RAPGEF1: variants seen among roughly 807,000 people sequenced by gnomAD.
RAPGEF1 encodes CRK SH3-binding GNRP.
A neutral mutation model predicts 143.3 loss-of-function variants in RAPGEF1; 33 were observed. The observed-to-expected ratio is 0.23, with a 90% confidence interval of 0.17 to 0.31. The LOEUF (loss-of-function observed/expected upper bound fraction) is 0.31. Among genes scored for constraint, RAPGEF1 ranks in the 10% least tolerant of loss-of-function variants. The pLI is 1.00. For missense variants in RAPGEF1, 1,199 were observed against 1,645.4 expected, an observed-to-expected ratio of 0.73 and a Z score of 4.69; for synonymous variants, 629 against 676.5, an observed-to-expected ratio of 0.93 and a Z score of 1.09.
rs192814248 is a variant in RAPGEF1, at chr9:131,712,849, A to G, written c.61+26921T>C. On this transcript the variant is annotated intron_variant, in intron 1 of 26. Transcript: ENST00000683357. ...GCTCCCCCAAAATAACTCCAATGTGAACTGTTCAGGGGTAGGGGGAGGGGG... is the reference window on the plus strand; with the variant it reads ...GCTCCCCCAAAATAACTCCAATGTGGACTGTTCAGGGGTAGGGGGAGGGGG... Among the ~76,000 whole-genome samples, 405 of 152,286 alleles carry G rather than the reference A, an allele frequency of 2.7e-3. 1 individual carries two copies. Among genetic ancestry groups the G allele is most frequent in the African/African-American group, 9.0e-3 (375 of 41,552 alleles).
At chr9:131,649,714 C>T (rs972960224) in intron 3 of RAPGEF1, among the ~76,000 whole-genome samples, 2 of 152,194 alleles carry the variant, frequency 1.3e-5, no homozygotes, top group African/African-American at 4.8e-5. Context: ...GGCGGTCTCA[C>T]TGCACTCCAC....
At chr9:131,629,335 G>T in intron 6 of RAPGEF1, 81 bp from the exon 7 acceptor site, 6 of 1,399,560 alleles carry the variant, frequency 4.3e-6, no homozygotes, top group Non-Finnish European at 5.9e-6. Context: ...GGGTGAGGAC[G>T]TGACCAGGAA....
intron 1 of RAPGEF1, among the ~76,000 whole-genome samples, chr9:131,699,588 T>C (rs965362177): frequency 1.3e-5 from 2 of 152,196 alleles, no homozygotes; most frequent in African/African-American, 4.8e-5. Context: ...ACTATGTTAC[T>C]GAATGCCAAG....
intron 1 of RAPGEF1, among the ~76,000 whole-genome samples, chr9:131,652,720 ACCT>A (rs1270026080): frequency 8.6e-5 from 13 of 151,992 alleles, no homozygotes; most frequent in African/African-American, 2.9e-4. Context: ...CTTTTATAAC[ACCT>A]CCTGAAGGAT....
At chr9:131,666,338 T>C (rs1000025399) in intron 1 of RAPGEF1, among the ~76,000 whole-genome samples, 1 of 152,190 alleles carries the variant, frequency 6.6e-6, no homozygotes, top group Admixed American at 6.5e-5. Context: ...TCTGGACCAG[T>C]ACTATCCAAT....
intron 1 of RAPGEF1, among the ~76,000 whole-genome samples, chr9:131,652,050 G>A (rs1035720762): frequency 7.9e-5 from 12 of 152,202 alleles, no homozygotes; most frequent in African/African-American, 2.9e-4. Context: ...AATGGAGGCT[G>A]CAGGCCTAGA....
At chr9:131,612,447 G>C (rs1958168109) in intron 12 of RAPGEF1, among the ~76,000 whole-genome samples, 1 of 152,166 alleles carries the variant, frequency 6.6e-6, no homozygotes, top group African/African-American at 2.4e-5. Flanking sequence ...GGTTGCTTTT[G>C]AAAGCCCCCA....
intron 1 of RAPGEF1, among the ~76,000 whole-genome samples, chr9:131,727,508 G>A (rs959835587): frequency 1.3e-5 from 2 of 152,168 alleles, no homozygotes; most frequent in African/African-American, 4.8e-5. Context: ...GACATGGTGT[G>A]TCTGTGGCAG....
chr9:131,664,322 G>A (rs746640277), intron 1 of RAPGEF1, among the ~76,000 whole-genome samples: 4 of 152,074 alleles, frequency 2.6e-5, no homozygotes, highest in Admixed American at 6.5e-5. Flanking sequence ...AACCAAGATC[G>A]GGGCATTAGA....
chr9:131,686,504 A>C lies in RAPGEF1; in HGVS notation c.62-35555T>G, dbSNP rs1833363021. Reference sequence around the variant, plus strand: ...CACTACACAACTGGGCAGCCACACAAGGAGCTGCCCAATTGGCCTGAAATC... The same window carrying C: ...CACTACACAACTGGGCAGCCACACACGGAGCTGCCCAATTGGCCTGAAATC... On this transcript the variant is annotated intron_variant, in intron 1 of 26. Transcript: ENST00000683357. Among the ~76,000 whole-genome samples, 4 of 152,200 alleles carry C rather than the reference A, an allele frequency of 2.6e-5. No homozygotes were observed. The South Asian group carries it at 8.3e-4, about 32-fold the overall frequency.
intron 17 of RAPGEF1, among the ~76,000 whole-genome samples, chr9:131,592,908 C>G (rs1330870572): frequency 6.6e-6 from 1 of 152,286 alleles, no homozygotes; most frequent in Non-Finnish European, 1.5e-5. Context: ...CGCGCCACTA[C>G]GCCTGGCTGA....
chr9:131,623,161 C>T (rs1399435656), intron 10 of RAPGEF1, among the ~76,000 whole-genome samples: 3 of 152,150 alleles, frequency 2.0e-5, no homozygotes, highest in Non-Finnish European at 4.4e-5. Flanking sequence ...CCACAAACTG[C>T]TCCCTAAAAA....
chr9:131,606,956 C>G (rs562131606), intron 12 of RAPGEF1, among the ~76,000 whole-genome samples: 1 of 152,152 alleles, frequency 6.6e-6, no homozygotes, highest in Non-Finnish European at 1.5e-5. Flanking sequence ...ACCCTTTAAC[C>G]TGTACAAAGA....
intron 4 of RAPGEF1, 143 bp from the exon 5 acceptor site, chr9:131,638,934 T>A (rs1458486228): frequency 1.0e-5 from 8 of 763,264 alleles, no homozygotes; most frequent in Non-Finnish European, 1.6e-5. Flanking sequence ...AGCAAACTTC[T>A]CCCATGAGAC....
In RAPGEF1 at chr9:131,576,979, C is replaced by G. The variant is rs986822949; in HGVS notation, c.*2518G>C. On this transcript the variant is annotated 3_prime_UTR_variant, in exon 27 of 27. Transcript: ENST00000683357. ...TGGTGTGTGCCTGCCCCTCCTTGCC[C>G]CCCCACACCCCGACACCTGCAGGTG... The G allele has an allele frequency of 3.9e-5, 6 of 152,030 alleles. No individual in the cohort carries two copies. Among genetic ancestry groups the G allele is most frequent in the East Asian group, 1.9e-4 (1 of 5,184 alleles). 9.4% of individuals were successfully genotyped at this position (152,030 alleles called of 1,614,324 possible).
At chr9:131,610,424 T>C (rs1957861164) in intron 12 of RAPGEF1, among the ~76,000 whole-genome samples, 1 of 152,210 alleles carries the variant, frequency 6.6e-6, no homozygotes. Context: ...CGAAATGTGG[T>C]CATGTAAATG....
chr9:131,703,727 A>G (rs567468649), intron 1 of RAPGEF1, among the ~76,000 whole-genome samples: 80 of 152,338 alleles, frequency 5.3e-4, no homozygotes, highest in African/African-American at 1.9e-3. Context: ...AGCCAAACCG[A>G]TGCTGTCTAA....
At chr9:131,727,597 C>T (rs1399715404) in intron 1 of RAPGEF1, among the ~76,000 whole-genome samples, 1 of 152,156 alleles carries the variant, frequency 6.6e-6, no homozygotes, top group African/African-American at 2.4e-5. Context: ...CACACGCTCC[C>T]CATGACTTTA....
At chr9:131,726,448 G>A (rs560448442) in intron 1 of RAPGEF1, among the ~76,000 whole-genome samples, 18 of 152,162 alleles carry the variant, frequency 1.2e-4, no homozygotes, top group African/African-American at 3.9e-4. Flanking sequence ...CCAATGTGGT[G>A]AAACCCGTCT....
Sources: allele counts gnomAD v4.1 joint callset (sites outside exome capture counted in the v4.1 genomes callset), GRCh38; gene constraint gnomAD v4.1.1; transcripts MANE v1.5; gene names NCBI Gene and HGNC (gene_info 2026-07-23, HGNC 2026-07-21).